NOS1AP: variants seen among roughly 807,000 people sequenced by gnomAD.
NOS1AP encodes carboxyl-terminal PDZ ligand of neuronal nitric oxide synthase protein.
In NOS1AP, 21 loss-of-function variants were observed where a neutral mutation model predicts 56.2. The ratio of observed to expected loss-of-function variants is 0.37; its 90% confidence interval spans 0.26 to 0.54. The LOEUF is 0.54. Among genes scored for constraint, NOS1AP ranks in the 20% least tolerant of loss-of-function variants. The probability of loss-of-function intolerance (pLI) is 0.84; values close to 1 mark genes in which losing one functional copy is unlikely to be tolerated. For synonymous variants in NOS1AP, 270 were observed against 274.6 expected, an observed-to-expected ratio of 0.98 and a Z score of 0.17; for missense variants, 522 against 657.8, an observed-to-expected ratio of 0.79 and a Z score of 2.26.
intron 2 of NOS1AP, among the ~76,000 whole-genome samples, chr1:162,168,651 C>T (rs1220021155): frequency 6.6e-6 from 1 of 151,308 alleles, no homozygotes; most frequent in East Asian, 1.9e-4. Flanking sequence ...GTGTGTTTCT[C>T]TTTCCTTCTC....
At position 162,253,163 on chromosome 1, in the gene NOS1AP, G is replaced by A. The variant is rs115988565; in HGVS notation, c.178-34181G>A. Reference sequence around the variant, plus strand: ...GGAGGGAGTGGGTTTGTTGTAAAAGGGCGAGTTTGGCCTCCTCTTGTTCTC... The same window carrying A: ...GGAGGGAGTGGGTTTGTTGTAAAAGAGCGAGTTTGGCCTCCTCTTGTTCTC... On this transcript the variant is annotated intron_variant, in intron 2 of 9. Coordinates refer to ENST00000361897, the MANE Select transcript of NOS1AP (RefSeq NM_014697.3). Among the ~76,000 whole-genome samples the A allele has an allele frequency of 4.2e-3, 639 of 152,228 alleles. 5 individuals carry two copies. Among genetic ancestry groups the A allele is most frequent in the Non-Finnish European group, 7.0e-3 (476 of 68,020 alleles).
chr1:162,178,619 G>A (rs1269282959), intron 2 of NOS1AP, among the ~76,000 whole-genome samples: 1 of 152,314 alleles, frequency 6.6e-6, no homozygotes, highest in East Asian at 1.9e-4. Flanking sequence ...TGATGCCAGA[G>A]CTTTTCCCAC....
In NOS1AP at chr1:162,135,755, G is replaced by T. The variant is rs2102068443; in HGVS notation, c.106-18650G>T. 2.0e-5 allele frequency among the ~76,000 whole-genome samples: 3 copies of T among 152,304 alleles called. No homozygotes were observed. The South Asian group carries it at 6.2e-4, about 32-fold the overall frequency. Reference sequence around the variant, plus strand: ...GGCAAAGAGGCTGACTTACTTTTGGGAACATTAAAGGCCTCCATCTAAATG... The same window carrying T: ...GGCAAAGAGGCTGACTTACTTTTGGTAACATTAAAGGCCTCCATCTAAATG... On this transcript the variant is annotated intron_variant, in intron 1 of 9. Transcript: ENST00000361897.
intron 2 of NOS1AP, among the ~76,000 whole-genome samples, chr1:162,215,745 A>G (rs1481495900): frequency 1.3e-5 from 2 of 152,200 alleles, no homozygotes; most frequent in Non-Finnish European, 2.9e-5. Context: ...CCTCGGGCAG[A>G]TGCACCTTAG....
intron 1 of NOS1AP, among the ~76,000 whole-genome samples, chr1:162,118,811 A>G (rs146431816): frequency 5.4e-4 from 83 of 152,304 alleles, no homozygotes; most frequent in Non-Finnish European, 9.3e-4. Context: ...AGGTAGAGGT[A>G]GGGGTGTGTC....
At chr1:162,170,760 G>GACTAAAAATACAAAA (rs1484426300) in intron 2 of NOS1AP, among the ~76,000 whole-genome samples, 1 of 151,900 alleles carries the variant, frequency 6.6e-6, no homozygotes, top group Admixed American at 6.6e-5. Flanking sequence ...ACCCTGTCTC[G>GACTAAAAATACAAAA]ACTAAAAATA....
chr1:162,075,402 C>T (rs1189799610), intron 1 of NOS1AP, among the ~76,000 whole-genome samples: 1 of 152,172 alleles, frequency 6.6e-6, no homozygotes, highest in Non-Finnish European at 1.5e-5. Flanking sequence ...TTGATGGTTT[C>T]CCTGATGTGG....
At chr1:162,101,227 G>A (rs1647248432) in intron 1 of NOS1AP, among the ~76,000 whole-genome samples, 1 of 152,154 alleles carries the variant, frequency 6.6e-6, no homozygotes, top group Non-Finnish European at 1.5e-5. Context: ...TGTCAGGTTT[G>A]TTGAAGATCA....
At chr1:162,303,466 G>T (rs890548741) in intron 4 of NOS1AP, among the ~76,000 whole-genome samples, 3 of 151,996 alleles carry the variant, frequency 2.0e-5, no homozygotes, top group African/African-American at 7.3e-5. Context: ...TTTGAGACAG[G>T]GTCTTACTCT....
At chr1:162,342,724 G>T (rs1175173810) in intron 5 of NOS1AP, 2 of 384,164 alleles carry the variant, frequency 5.2e-6, no homozygotes, top group Non-Finnish European at 1.1e-5. Flanking sequence ...AGCCCTACTT[G>T]ATTGCTGCCA....
Position 162,240,647 on chromosome 1 carries a change from G to A in NOS1AP, c.178-46697G>A, listed in dbSNP as rs541105901. Among the ~76,000 whole-genome samples, 16 of 152,302 alleles carry A rather than the reference G, an allele frequency of 1.1e-4. No homozygotes were observed. The East Asian group carries it at 2.1e-3, about 20-fold the overall frequency. On this transcript the variant is annotated intron_variant, in intron 2 of 9. Transcript: ENST00000361897. ...CGTGGAGTAAAGATAAAACATCAGCGTGTTATTTGGCAGCTTTTTGTTTGC... is the reference window on the plus strand; with the variant it reads ...CGTGGAGTAAAGATAAAACATCAGCATGTTATTTGGCAGCTTTTTGTTTGC...
chr1:162,146,040 C>A (rs191950318), intron 1 of NOS1AP, among the ~76,000 whole-genome samples: 2 of 152,264 alleles, frequency 1.3e-5, no homozygotes, highest in East Asian at 3.9e-4. Flanking sequence ...ATGTTGTATC[C>A]TGTGTGCTGA....
intron 2 of NOS1AP, among the ~76,000 whole-genome samples, chr1:162,155,290 A>G (rs969489995): frequency 5.5e-5 from 8 of 144,568 alleles, no homozygotes; most frequent in East Asian, 2.0e-4. Flanking sequence ...ACATATATAC[A>G]TATATATGTA....
Position 162,364,380 on chromosome 1 carries a change from C to T in NOS1AP, c.940-1024C>T, listed in dbSNP as rs539272536. ...CTTCTGAAATGCTCCCTGGAGAACT[C>T]TTTATTCACTTCTTTGCACAAGAAT... On this transcript the variant is annotated intron_variant, in intron 8 of 9. Coordinates refer to ENST00000361897, the MANE Select transcript of NOS1AP (RefSeq NM_014697.3). 8.9e-5 allele frequency: 88 copies of T among 985,460 alleles called. No individual in the cohort carries two copies. In the African/African-American group the frequency reaches 1.4e-3, roughly 16 times the overall value. 61.0% of individuals were successfully genotyped at this position (985,460 alleles called of 1,614,324 possible). A position where few individuals can be genotyped will look rare whatever the true frequency, so the allele number is the denominator to read the frequency against.
At chr1:162,355,039 A>T (rs1657653164) in intron 6 of NOS1AP, 148 bp from the exon 7 acceptor site, 2 of 843,412 alleles carry the variant, frequency 2.4e-6, no homozygotes, top group South Asian at 2.9e-5. Flanking sequence ...ATGCACTTTA[A>T]CGTACTTGAG....
chr1:162,112,414 A>G (rs895750778), intron 1 of NOS1AP, among the ~76,000 whole-genome samples: 6 of 152,178 alleles, frequency 3.9e-5, no homozygotes, highest in African/African-American at 1.2e-4. Context: ...TTCCTTTGTT[A>G]CTGGGCTTTG....
chr1:162,226,370 G>A (rs1652941633), intron 2 of NOS1AP, among the ~76,000 whole-genome samples: 1 of 152,160 alleles, frequency 6.6e-6, no homozygotes, highest in Non-Finnish European at 1.5e-5. Flanking sequence ...CACATTCCTT[G>A]GGCTGGTATT....
chr1:162,070,292 C>A lies in NOS1AP; in HGVS notation c.105+10C>A, dbSNP rs1325786424. The A allele has an allele frequency of 6.2e-7, 1 of 1,607,342 alleles. No individual in the cohort carries two copies. ...CTGCTTTGAGGCCAAGGTGAGGGGG[C>A]TCCGGGGAGGGTGCTACCTGTGGTG... On this transcript the variant is annotated intron_variant, in intron 1 of 9. Transcript: ENST00000361897.
At chr1:162,079,603 T>C (rs1261406366) in intron 1 of NOS1AP, among the ~76,000 whole-genome samples, 1 of 152,218 alleles carries the variant, frequency 6.6e-6, no homozygotes, top group Non-Finnish European at 1.5e-5. Flanking sequence ...AAAAAGAGGA[T>C]ACAAATATCT....
Sources: allele counts gnomAD v4.1 joint callset (sites outside exome capture counted in the v4.1 genomes callset), GRCh38; gene constraint gnomAD v4.1.1; transcripts MANE v1.5; gene names NCBI Gene and HGNC (gene_info 2026-07-23, HGNC 2026-07-21).